The following ZNF638 variants were observed in gnomAD, a reference collection of about 807,000 sequenced individuals.
The protein encoded by ZNF638 is zinc finger protein 638, also known as CTCL tumor antigen se33-1.
In ZNF638, 46 loss-of-function variants were observed where a neutral mutation model predicts 195.6. The observed-to-expected ratio is 0.24, with a 90% CI of 0.19 to 0.30. The LOEUF is 0.30. Among genes scored for constraint, ZNF638 ranks in the 10% least tolerant of loss-of-function variants. ZNF638 has a pLI of 1.00. For missense variants in ZNF638, 2,440 were observed against 2,325.3 expected, an observed-to-expected ratio of 1.05 and a Z score of -1.01; for synonymous variants, 845 against 772.0, an observed-to-expected ratio of 1.09 and a Z score of -1.57.
chr2:71,396,234 T>G, intron 11 of ZNF638, 43 bp downstream of exon 11: 1 of 1,521,666 alleles, frequency 6.6e-7, no homozygotes, highest in East Asian at 2.3e-5. Flanking sequence ...AGTTAAAACT[T>G]TAATGTATTT....
At chr2:71,382,655 G>GTGTC (rs1411278238) in intron 10 of ZNF638, among the ~76,000 whole-genome samples, 2 of 152,148 alleles carry the variant, frequency 1.3e-5, no homozygotes, top group Non-Finnish European at 1.5e-5. Context: ...GGCTTAGGAT[G>GTGTC]TATCAGTGGA....
At chr2:71,417,847 A>G (rs745474066) in intron 20 of ZNF638, among the ~76,000 whole-genome samples, 38 of 152,250 alleles carry the variant, frequency 2.5e-4, no homozygotes, top group Non-Finnish European at 5.1e-4. Flanking sequence ...CACCTATGCC[A>G]GGAATCCTCT....
chr2:71,389,859 G>A (rs192945360), intron 10 of ZNF638, among the ~76,000 whole-genome samples: 11 of 152,130 alleles, frequency 7.2e-5, no homozygotes, highest in African/African-American at 1.7e-4. Context: ...TGCTAACGTC[G>A]ACTGCCAACA....
chr2:71,366,359 T>C (rs1276510186), intron 6 of ZNF638, among the ~76,000 whole-genome samples: 23 of 134,900 alleles, frequency 1.7e-4, no homozygotes, highest in African/African-American at 7.6e-4. Flanking sequence ...AGACCCTGTC[T>C]CAAGAAAAAA....
intron 3 of ZNF638, among the ~76,000 whole-genome samples, chr2:71,356,985 A>G (rs138014680): frequency 1.3e-5 from 2 of 152,252 alleles, no homozygotes; most frequent in Non-Finnish European, 2.9e-5. Context: ...CTTCTTTCAC[A>G]TAGCAAAATG....
intron 23 of ZNF638, among the ~76,000 whole-genome samples, chr2:71,424,930 C>T (rs967690633): frequency 6.6e-6 from 1 of 151,808 alleles, no homozygotes; most frequent in African/African-American, 2.4e-5. Context: ...TTTCTTGAGG[C>T]GGGGGGAGCG....
At chr2:71,355,896 C>G (rs137895999) in intron 3 of ZNF638, 116 bp downstream of exon 3, 98 of 510,834 alleles carry the variant, frequency 1.9e-4, no homozygotes, top group African/African-American at 1.2e-3. Context: ...TTTTGGAAAG[C>G]TATTGTCTTT....
At position 71,365,545 on chromosome 2, in the gene ZNF638, A is replaced by G. The variant is rs200872776; in HGVS notation, c.1834A>G (p.Thr612Ala). The G allele has an allele frequency of 1.9e-6, 3 of 1,614,186 alleles. No individual in the cohort carries two copies. The highest frequency in any genetic ancestry group is 2.7e-5 in the African/African-American group (2 of 75,060). The change falls in exon 6 of 28, where the codon ACT becomes GCT. Residue 612 changes from threonine (T) to alanine (A), a missense_variant. Coordinates refer to ENST00000264447, the MANE Select transcript of ZNF638 (RefSeq NM_014497.5). The part of the protein sequence containing the change: ...KGHSPAQKPK[T>A]SSGTKPSVKP... Reference sequence around the variant, plus strand: ...ACATTCACCAGCACAAAAGCCTAAAACTAGCAGTGGAACAAAACCATCAGT... The same window carrying G: ...ACATTCACCAGCACAAAAGCCTAAAGCTAGCAGTGGAACAAAACCATCAGT...
intron 1 of ZNF638, among the ~76,000 whole-genome samples, chr2:71,338,175 AC>A: frequency 6.6e-6 from 1 of 152,282 alleles, no homozygotes; most frequent in South Asian, 2.1e-4. Context: ...ACGTTTTAAG[AC>A]CATGCAAATA....
chr2:71,433,404 T>C, intron 27 of ZNF638, 121 bp downstream of exon 27: 1 of 698,508 alleles, frequency 1.4e-6, no homozygotes. Flanking sequence ...AGTTTATTCC[T>C]CTTAAGTCCT....
chr2:71,333,425 ATATT>A (rs1474037077), intron 1 of ZNF638, among the ~76,000 whole-genome samples: 6 of 152,116 alleles, frequency 3.9e-5, no homozygotes, highest in Non-Finnish European at 7.4e-5. Flanking sequence ...TTATGGTCAC[ATATT>A]TATTGTATAT....
rs969483970 is a variant in ZNF638, at chr2:71,331,883, C to A, written c.-203+8C>A. On this transcript the variant is annotated splice_region_variant and intron_variant, in intron 1 of 27. Transcript: ENST00000264447. ...TTAGTCGGGTAGGCATAGGTAGGAC[C>A]GCTGCCCTGTGGGGAGTAGGGGGTT... 1 of 986,380 alleles carries A rather than the reference C, an allele frequency of 1.0e-6. No individual in the cohort carries two copies. The highest frequency in any genetic ancestry group is 1.7e-5 in the African/African-American group (1 of 57,372). The allele number at this position is 986,380 out of a possible 1,614,324, so 61.1% of individuals were successfully genotyped here.
At chr2:71,348,559 T>G in intron 1 of ZNF638, 194 bp from the exon 2 acceptor site, 1 of 1,187,520 alleles carries the variant, frequency 8.4e-7, no homozygotes, top group South Asian at 1.6e-5. Flanking sequence ...TTGGGGCTTG[T>G]GTTCTGCATT....
rs536046427 is a variant in ZNF638 at position 71,358,965 on chromosome 2, T to A, written c.1379+3185T>A. ...TATTTTTTAGCAATAAAGTACTTTT[T>A]AATTAATACATGTTCATTTTTAAAA... On this transcript the variant is annotated intron_variant, in intron 3 of 27. Coordinates refer to ENST00000264447, the MANE Select transcript of ZNF638 (RefSeq NM_014497.5). 1.3e-3 allele frequency among the ~76,000 whole-genome samples: 201 copies of A among 152,328 alleles called. 1 individual carries two copies. Among genetic ancestry groups the A allele is most frequent in the African/African-American group, 4.8e-3 (200 of 41,540 alleles).
intron 2 of ZNF638, 121 bp downstream of exon 2, chr2:71,350,392 T>G: frequency 1.0e-6 from 1 of 993,768 alleles, no homozygotes; most frequent in Non-Finnish European, 1.5e-6. Context: ...TAATTTTAAT[T>G]GCAACCTCAA....
intron 2 of ZNF638, among the ~76,000 whole-genome samples, chr2:71,354,780 T>G (rs2078997448): frequency 6.6e-6 from 1 of 152,036 alleles, no homozygotes; most frequent in Admixed American, 6.6e-5. Flanking sequence ...TTTCGTTAAT[T>G]GTAAAGCTCA....
intron 8 of ZNF638, among the ~76,000 whole-genome samples, chr2:71,374,228 G>A (rs2079375550): frequency 6.6e-6 from 1 of 152,186 alleles, no homozygotes; most frequent in Non-Finnish European, 1.5e-5. Context: ...ATTGGAATCA[G>A]TATTATTTCC....
At chr2:71,350,436 A>G (rs2078920954) in intron 2 of ZNF638, among the ~76,000 whole-genome samples, 165 bp downstream of exon 2, 1 of 152,216 alleles carries the variant, frequency 6.6e-6, no homozygotes, top group Non-Finnish European at 1.5e-5. Context: ...CCCTGGCCTT[A>G]GTACTGAATT....
chr2:71,338,008 G>A (rs2078700338), intron 1 of ZNF638, among the ~76,000 whole-genome samples: 1 of 152,072 alleles, frequency 6.6e-6, no homozygotes, highest in African/African-American at 2.4e-5. Context: ...ATGTCCCTGG[G>A]CAGAAAAATC....
Sources: allele counts gnomAD v4.1 joint callset (sites outside exome capture counted in the v4.1 genomes callset), GRCh38; gene constraint gnomAD v4.1.1; transcripts MANE v1.5; gene names NCBI Gene and HGNC (gene_info 2026-07-23, HGNC 2026-07-21).